The following FAM13A variants were observed in gnomAD, a reference collection of about 807,000 sequenced individuals.
The protein encoded by FAM13A is family with sequence similarity 13 member A.
Under a neutral mutation model 129.6 loss-of-function variants are expected in FAM13A, and 76 were observed. The observed-to-expected ratio is 0.59, with a 90% confidence interval of 0.49 to 0.71. The LOEUF (loss-of-function observed/expected upper bound fraction) is 0.71. FAM13A is among the 30% of genes least tolerant of loss of function. FAM13A has a pLI of 0.00. For missense variants in FAM13A, 1,108 were observed against 1,249.3 expected, an observed-to-expected ratio of 0.89 and a Z score of 1.70; for synonymous variants, 443 against 449.9, an observed-to-expected ratio of 0.98 and a Z score of 0.20.
Position 89,020,612 on chromosome 4 carries a change from A to C in FAM13A, c.275T>G (p.Leu92Arg). Residue 92 changes from leucine (L) to arginine (R), a missense_variant, in exon 3 of 24, where the codon CTT (leucine) becomes CGT (arginine). Leu to Arg is a moderately radical substitution (Grantham distance 102). Transcript: ENST00000264344. ...CACTCCACTCTCGAACTTCAGTCGA[A>C]GTTGTTCCACCACCTTCACGTTACC... Reference protein sequence around the residue: ...VNGNVKVVEQLRLKFESGVPV... With the variant: ...VNGNVKVVEQRRLKFESGVPV... 3.7e-6 allele frequency: 6 copies of C among 1,614,166 alleles called. No homozygotes were observed. Among genetic ancestry groups the C allele is most frequent in the Non-Finnish European group, 5.1e-6 (6 of 1,180,018 alleles).
At chr4:88,976,844 T>C (rs752574508) in intron 4 of FAM13A, among the ~76,000 whole-genome samples, 2 of 152,168 alleles carry the variant, frequency 1.3e-5, no homozygotes, top group Non-Finnish European at 2.9e-5. Context: ...TGTTTAGATA[T>C]GGTTAGATAT....
chr4:88,942,384 T>C (rs1165769876), intron 4 of FAM13A, among the ~76,000 whole-genome samples: 2 of 151,832 alleles, frequency 1.3e-5, no homozygotes, highest in African/African-American at 2.4e-5. Context: ...TTGGGCAACA[T>C]GGTGAAACCC....
In FAM13A at chr4:88,934,682, A is replaced by G. The variant is rs1224882818; in HGVS notation, c.759+3406T>C. ...GTAACCTTTCATTTTGACAAAATAA[A>G]AATGTTCCTATGTAAATTCCCTTCT... On this transcript the variant is annotated intron_variant, in intron 5 of 23. Transcript: ENST00000264344. Among the ~76,000 whole-genome samples, 7 of 152,222 alleles carry G rather than the reference A, an allele frequency of 4.6e-5. No individual in the cohort carries two copies. The East Asian group carries it at 1.3e-3, about 29-fold the overall frequency.
intron 6 of FAM13A, among the ~76,000 whole-genome samples, chr4:88,894,991 C>T (rs1266123765): frequency 6.6e-6 from 1 of 152,090 alleles, no homozygotes; most frequent in Admixed American, 6.6e-5. Context: ...TTTATTAACA[C>T]TTATATAGTT....
intron 13 of FAM13A, among the ~76,000 whole-genome samples, chr4:88,761,637 A>G (rs1211503264): frequency 6.6e-6 from 1 of 152,118 alleles, no homozygotes; most frequent in East Asian, 1.9e-4. Context: ...TTTCAGGGTG[A>G]CCAGCCCTTA....
At chr4:88,782,933 T>C (rs1723229578) in intron 10 of FAM13A, among the ~76,000 whole-genome samples, 1 of 152,176 alleles carries the variant, frequency 6.6e-6, no homozygotes, top group African/African-American at 2.4e-5. Context: ...TTCTATCTTA[T>C]CACTCTTCAT....
chr4:88,793,848 T>A (rs116341816), intron 8 of FAM13A, among the ~76,000 whole-genome samples: 177 of 152,132 alleles, frequency 1.2e-3, no homozygotes, highest in African/African-American at 4.1e-3. Context: ...AAAATAACTT[T>A]GGTATTTAGT....
Position 88,747,139 on chromosome 4 carries a change from T to C in FAM13A, c.2383-124A>G, listed in dbSNP as rs1032144033. ...CTCATATAACAGCTCTCCCTAGCTC[T>C]ATCCAAAGTTCATTTAAAAATGGGT... On this transcript the variant is annotated intron_variant, in intron 18 of 23. Coordinates refer to ENST00000264344, the MANE Select transcript of FAM13A (RefSeq NM_014883.4). 42 of 648,992 alleles carry C rather than the reference T, an allele frequency of 6.5e-5. No homozygotes were observed. The Middle Eastern group carries it at 7.8e-4, about 12-fold the overall frequency. The allele number at this position is 648,992 out of a possible 1,614,324, so 40.2% of individuals were successfully genotyped here. A position where few individuals can be genotyped will look rare whatever the true frequency, so the allele number is the denominator to read the frequency against.
chr4:88,815,804 C>T (rs935481149), intron 7 of FAM13A, among the ~76,000 whole-genome samples: 8 of 152,032 alleles, frequency 5.3e-5, no homozygotes, highest in African/African-American at 1.4e-4. Flanking sequence ...TCTTGAACTA[C>T]GTTTATTTAG....
At chr4:89,034,087 T>C (rs189296235) in intron 1 of FAM13A, among the ~76,000 whole-genome samples, 1 of 152,250 alleles carries the variant, frequency 6.6e-6, no homozygotes. Context: ...ATTTGGGACC[T>C]AATTAAACTA....
In FAM13A at chr4:88,933,092, T is replaced by C. The variant is rs1335338391; in HGVS notation, c.759+4996A>G. ...AGAAAAATATGGTATATGAATGACA[T>C]ATATATGCTCTGAAGACAACTTTAA... On this transcript the variant is annotated intron_variant, in intron 5 of 23. Coordinates refer to ENST00000264344, the MANE Select transcript of FAM13A (RefSeq NM_014883.4). Among the ~76,000 whole-genome samples, 6 of 152,152 alleles carry C rather than the reference T, an allele frequency of 3.9e-5. No individual in the cohort carries two copies. The East Asian group carries it at 1.2e-3, about 29-fold the overall frequency.
At chr4:89,025,251 T>G (rs796071053) in intron 2 of FAM13A, among the ~76,000 whole-genome samples, 9 of 58,040 alleles carry the variant, frequency 1.6e-4, no homozygotes, top group East Asian at 1.5e-3. Context: ...CATTGTTTTT[T>G]TTTTTTTTTT....
chr4:88,794,812 C>A (rs1173383896), intron 8 of FAM13A, among the ~76,000 whole-genome samples: 2 of 151,726 alleles, frequency 1.3e-5, no homozygotes, highest in South Asian at 2.1e-4. Context: ...ATGTAACAAT[C>A]ATCAAAATAG....
chr4:88,800,970 T>G (rs1727343081), intron 8 of FAM13A, among the ~76,000 whole-genome samples: 1 of 151,994 alleles, frequency 6.6e-6, no homozygotes, highest in Non-Finnish European at 1.5e-5. Context: ...CTTAAAATAA[T>G]CATTTAGAAA....
chr4:88,987,759 G>A (rs919861615), intron 4 of FAM13A, among the ~76,000 whole-genome samples: 3 of 148,988 alleles, frequency 2.0e-5, no homozygotes, highest in Non-Finnish European at 3.0e-5. Flanking sequence ...GGAGAATGGC[G>A]TGAACCCGGG....
intron 1 of FAM13A, among the ~76,000 whole-genome samples, chr4:89,041,738 T>A (rs145835430): frequency 0.023 from 3,430 of 152,058 alleles, 112 homozygotes; most frequent in African/African-American, 0.076. Flanking sequence ...CTGGCCAACA[T>A]GGTGAAAGTC....
At chr4:88,954,405 A>C (rs1757418974) in intron 4 of FAM13A, among the ~76,000 whole-genome samples, 1 of 152,210 alleles carries the variant, frequency 6.6e-6, no homozygotes, top group Non-Finnish European at 1.5e-5. Context: ...CCTTTCATCT[A>C]TCAATCAACC....
chr4:88,777,017 G>A (rs1721865574), intron 11 of FAM13A, among the ~76,000 whole-genome samples: 1 of 152,188 alleles, frequency 6.6e-6, no homozygotes, highest in Admixed American at 6.5e-5. Flanking sequence ...TATGCACCTA[G>A]AACAGAGTAA....
At chr4:88,825,949 T>C (rs936525466) in intron 7 of FAM13A, among the ~76,000 whole-genome samples, 1 of 152,170 alleles carries the variant, frequency 6.6e-6, no homozygotes, top group Non-Finnish European at 1.5e-5. Flanking sequence ...TATTTGATAA[T>C]TGTTTCTGAA....
Sources: allele counts gnomAD v4.1 joint callset (sites outside exome capture counted in the v4.1 genomes callset), GRCh38; gene constraint gnomAD v4.1.1; transcripts MANE v1.5; gene names NCBI Gene and HGNC (gene_info 2026-07-23, HGNC 2026-07-21).